Variants in C1orf174 observed in about 807,000 individuals in gnomAD.
C1orf174 encodes UPF0688 protein C1orf174.
A neutral mutation model predicts 18.4 loss-of-function variants in C1orf174; 13 were observed. The observed-to-expected ratio is 0.71, with a 90% CI of 0.46 to 1.12. C1orf174 has a LOEUF of 1.12. Ranked by LOEUF, C1orf174 falls within the 50% of genes most tolerant of loss-of-function variation. C1orf174 has a pLI of 0.00. For missense variants in C1orf174, 309 were observed against 308.0 expected, an observed-to-expected ratio of 1.00 and a Z score of -0.02; for synonymous variants, 100 against 118.3, an observed-to-expected ratio of 0.85 and a Z score of 1.01.
At chr1:3,896,668 C>G (rs1325172241) in intron 1 of C1orf174, among the ~76,000 whole-genome samples, 2 of 152,210 alleles carry the variant, frequency 1.3e-5, no homozygotes, top group African/African-American at 4.8e-5. Context: ...TGTAGGCCAA[C>G]CAGTTCGCAG....
In C1orf174 at chr1:3,889,929, A is replaced by G. The variant is rs2124782182; in HGVS notation, c.*31T>C. The G allele has an allele frequency of 6.5e-7, 1 of 1,535,240 alleles. No individual in the cohort carries two copies. The highest frequency in any genetic ancestry group is 9.0e-7 in the Non-Finnish European group (1 of 1,108,346). On this transcript the variant is annotated 3_prime_UTR_variant, in exon 4 of 4. Transcript: ENST00000361605. The stretch of plus-strand genomic sequence containing the variant: ...AAATTGTCAAATTGTTAATGGTACT[A>G]AATACTCAAGGACATTATTTTGTAT...
chr1:3,894,019 T>C (rs1367207210), intron 1 of C1orf174, among the ~76,000 whole-genome samples: 1 of 152,248 alleles, frequency 6.6e-6, no homozygotes, highest in Non-Finnish European at 1.5e-5. Context: ...TACGGTACTC[T>C]TCACTAAACT....
At chr1:3,890,448 G>A in intron 3 of C1orf174, 121 bp downstream of exon 3, 1 of 1,368,974 alleles carries the variant, frequency 7.3e-7, no homozygotes, top group African/African-American at 1.5e-5. Context: ...GGGTTAAAAT[G>A]ATTAGTTTAT....
rs1263312290 is a variant in C1orf174, at chr1:3,892,896, T to C, written c.116A>G (p.Lys39Arg). Residue 39 changes from lysine (K) to arginine (R), a missense_variant, in exon 2 of 4, where the codon AAG (lysine) becomes AGG (arginine). Physicochemically the swap from Lys to Arg is conservative, Grantham distance 26. Transcript: ENST00000361605. ...AACAGGGCTCACCAGACATGCTGTCTTGGCAGACGTGGAACCAGCAACTTC... is the reference window on the plus strand; with the variant it reads ...AACAGGGCTCACCAGACATGCTGTCCTGGCAGACGTGGAACCAGCAACTTC... The part of the protein sequence containing the change: ...AQEVAGSTSA[K>R]TACLTSSSHK... 3 of 1,614,224 alleles carry C rather than the reference T, an allele frequency of 1.9e-6. No individual in the cohort carries two copies. The highest frequency in any genetic ancestry group is 2.5e-6 in the Non-Finnish European group (3 of 1,180,030).
intron 2 of C1orf174, chr1:3,891,308 A>G (rs1638506784): frequency 2.2e-6 from 1 of 462,738 alleles, no homozygotes; most frequent in East Asian, 4.2e-5. Flanking sequence ...CCACTCCTAC[A>G]CTTTCAGTTT....
Position 3,900,164 on chromosome 1 carries a change from G to C in C1orf174, c.15+8C>G, listed in dbSNP as rs952614208. ...CCGGCGCAGCTGCTGCCGGGACCCA[G>C]CCCTCACCTTCCGGCTCCTCATGAG... On this transcript the variant is annotated splice_region_variant and intron_variant, in intron 1 of 3. Coordinates refer to ENST00000361605, the MANE Select transcript of C1orf174 (RefSeq NM_207356.3). The C allele has an allele frequency of 2.5e-6, 4 of 1,585,714 alleles. No homozygotes were observed. The African/African-American group carries it at 5.5e-5, about 22-fold the overall frequency.
Position 3,890,685 on chromosome 1 carries a change from G to A in C1orf174, c.502C>T (p.Gln168Ter). Residue 168 changes from glutamine (Q) to a stop codon, truncating the protein, a stop_gained, in exon 3 of 4, where the codon CAG (glutamine) becomes TAG (stop). Transcript: ENST00000361605. LOFTEE classifies it high-confidence loss of function. ...TVQKQNEPGL[Q>*]TEDVQKPPLQ... ...GGTGGCTTCTGCACATCCTCTGTCTGTAGCCCTGGCTCATTCTGCTTCTGC... is the reference window on the plus strand; with the variant it reads ...GGTGGCTTCTGCACATCCTCTGTCTATAGCCCTGGCTCATTCTGCTTCTGC... The A allele has an allele frequency of 6.2e-7, 1 of 1,614,128 alleles. No homozygotes were observed. The highest frequency in any genetic ancestry group is 8.5e-7 in the Non-Finnish European group (1 of 1,180,030).
chr1:3,889,937 A>G lies in C1orf174; in HGVS notation c.*23T>C, dbSNP rs1230316419. On this transcript the variant is annotated 3_prime_UTR_variant, in exon 4 of 4. Coordinates refer to ENST00000361605, the MANE Select transcript of C1orf174 (RefSeq NM_207356.3). ...AAATTGTTAATGGTACTAAATACTC[A>G]AGGACATTATTTTGTATGGCCCCTA... 6.4e-7 allele frequency: 1 copy of G among 1,567,052 alleles called. No homozygotes were observed. Among genetic ancestry groups the G allele is most frequent in the South Asian group, 1.1e-5 (1 of 90,140 alleles).
At chr1:3,894,219 A>C (rs940552355) in intron 1 of C1orf174, among the ~76,000 whole-genome samples, 2 of 152,174 alleles carry the variant, frequency 1.3e-5, no homozygotes, top group African/African-American at 4.8e-5. Context: ...AGGCCCTAGA[A>C]CTGGAACCCA....
In C1orf174 at chr1:3,889,984, GTCA is replaced by G. The variant is rs761667459; in HGVS notation, c.705_707del (p.Asp240del). On this transcript the variant is annotated inframe_deletion, in exon 4 of 4. Transcript: ENST00000361605. ...CCTACATTTCTGCATCATCGTCGTC[GTCA>G]TCATCATCATCTTTGGCTCTGAAAT... 4.3e-5 allele frequency: 69 copies of G among 1,613,618 alleles called. No individual in the cohort carries two copies. The highest frequency in any genetic ancestry group is 2.9e-4 in the South Asian group (26 of 91,082).
At chr1:3,899,767 A>T (rs893995184) in intron 1 of C1orf174, among the ~76,000 whole-genome samples, 30 of 152,016 alleles carry the variant, frequency 2.0e-4, no homozygotes, top group African/African-American at 6.5e-4. Flanking sequence ...GTTGCCCAGG[A>T]CGTGAACTGT....
chr1:3,894,909 G>A (rs564462145), intron 1 of C1orf174, among the ~76,000 whole-genome samples: 14 of 152,220 alleles, frequency 9.2e-5, no homozygotes, highest in African/African-American at 3.1e-4. Context: ...CCCGGCAGAC[G>A]TCATGGTCAC....
At chr1:3,890,176 T>C (rs1638478815) in intron 3 of C1orf174, 103 bp from the exon 4 acceptor site, 6 of 893,564 alleles carry the variant, frequency 6.7e-6, no homozygotes, top group Non-Finnish European at 1.1e-5. Context: ...CAGAGCGCTC[T>C]TCCCTTTTAG....
intron 1 of C1orf174, chr1:3,895,547 G>A (rs909800383): frequency 2.7e-5 from 3 of 110,884 alleles, no homozygotes; most frequent in Non-Finnish European, 5.9e-5. Flanking sequence ...AGACACCTGA[G>A]GATCTGGTGG....
intron 1 of C1orf174, 30 bp downstream of exon 1, chr1:3,900,142 G>A: frequency 6.4e-7 from 1 of 1,572,432 alleles, no homozygotes; most frequent in Non-Finnish European, 8.6e-7. Flanking sequence ...GCCCTGCCCG[G>A]CGCAGCTGCT....
At position 3,889,702 on chromosome 1, in the gene C1orf174, A is replaced by G. The variant is rs1461616750; in HGVS notation, c.*258T>C. 4 of 73,752 alleles carry G rather than the reference A, an allele frequency of 5.4e-5. No homozygotes were observed. Among genetic ancestry groups the G allele is most frequent in the South Asian group, 2.9e-4 (1 of 3,444 alleles). The allele number at this position is 73,752 out of a possible 1,614,324, so 4.6% of individuals were successfully genotyped here. ...AAGAGAGAAACTCTGTCTCCAAGGA[A>G]AAAAAAAAAAAAAAAAAAAGAAAGG... On this transcript the variant is annotated 3_prime_UTR_variant, in exon 4 of 4. Coordinates refer to ENST00000361605, the MANE Select transcript of C1orf174 (RefSeq NM_207356.3).
chr1:3,890,418 C>T (rs569699111), intron 3 of C1orf174, 151 bp downstream of exon 3: 21 of 1,129,616 alleles, frequency 1.9e-5, no homozygotes, highest in African/African-American at 1.3e-4. Flanking sequence ...AATTAGCCAA[C>T]GGTTTCATTT....
chr1:3,900,202 A>C lies in C1orf174; in HGVS notation c.-16T>G. ...GGCTCCTCATGAGTGTGAGCACCGC[A>C]GCCAAGCACCGCGCGCCCCGGCCAA... On this transcript the variant is annotated 5_prime_UTR_variant, in exon 1 of 4. Coordinates refer to ENST00000361605, the MANE Select transcript of C1orf174 (RefSeq NM_207356.3). 6.3e-7 allele frequency: 1 copy of C among 1,574,836 alleles called. No individual in the cohort carries two copies. The highest frequency in any genetic ancestry group is 8.5e-7 in the Non-Finnish European group (1 of 1,170,212).
intron 1 of C1orf174, chr1:3,895,948 A>G (rs1448938631): frequency 1.3e-5 from 2 of 152,576 alleles, no homozygotes; most frequent in African/African-American, 4.8e-5. Flanking sequence ...CAGTCCCAAA[A>G]CAGCCATTTA....
Sources: gnomAD v4.1 joint callset for allele counts (sites outside exome capture counted in the v4.1 genomes callset) on GRCh38, gnomAD v4.1.1 for gene constraint, MANE v1.5 for transcripts, NCBI Gene and HGNC (gene_info 2026-07-23, HGNC 2026-07-21) for gene names.